Variants in ARRB1 observed in about 807,000 individuals in gnomAD.
ARRB1 encodes arrestin beta 1.
In ARRB1, 21 loss-of-function variants were observed where a neutral mutation model predicts 56.8. That is an observed-to-expected ratio of 0.37 (90% CI 0.26 to 0.53). ARRB1 has a LOEUF of 0.53. ARRB1 is among the 20% of genes least tolerant of loss of function. The pLI is 0.88. For missense variants in ARRB1, 424 were observed against 553.7 expected, an observed-to-expected ratio of 0.77 and a Z score of 2.35; for synonymous variants, 210 against 218.6, an observed-to-expected ratio of 0.96 and a Z score of 0.35.
chr11:75,275,323 T>C (rs908137620), intron 10 of ARRB1, among the ~76,000 whole-genome samples: 1 of 151,848 alleles, frequency 6.6e-6, no homozygotes, highest in African/African-American at 2.4e-5. Flanking sequence ...ATTTTTGTAT[T>C]TTTAGTAGAG....
At chr11:75,323,969 A>G (rs1447671424) in intron 1 of ARRB1, among the ~76,000 whole-genome samples, 2 of 151,548 alleles carry the variant, frequency 1.3e-5, no homozygotes, top group Admixed American at 1.3e-4. Flanking sequence ...GATACTGAAG[A>G]AAAAAAAACG....
intron 1 of ARRB1, among the ~76,000 whole-genome samples, chr11:75,340,233 T>C (rs771342946): frequency 1.3e-5 from 2 of 152,244 alleles, no homozygotes; most frequent in Non-Finnish European, 2.9e-5. Context: ...TTTCCTCTAA[T>C]GAGGCTTCCC....
chr11:75,272,627 C>T (rs1029510166), intron 12 of ARRB1, among the ~76,000 whole-genome samples: 4 of 151,796 alleles, frequency 2.6e-5, no homozygotes, highest in Non-Finnish European at 5.9e-5. Context: ...ATCCTCAGTG[C>T]GAGCCCAGAC....
chr11:75,280,359 C>A (rs1411030857), intron 7 of ARRB1, among the ~76,000 whole-genome samples: 2 of 152,238 alleles, frequency 1.3e-5, no homozygotes, highest in African/African-American at 4.8e-5. Context: ...CAGCCCACGC[C>A]CTAAAAAGGC....
At chr11:75,292,056 C>T (rs1946622634) in intron 1 of ARRB1, among the ~76,000 whole-genome samples, 1 of 152,234 alleles carries the variant, frequency 6.6e-6, no homozygotes, top group African/African-American at 2.4e-5. Flanking sequence ...TGAGTGTGAG[C>T]ATGGCTTACT....
chr11:75,330,407 C>T (rs1430501697), intron 1 of ARRB1, among the ~76,000 whole-genome samples: 1 of 152,018 alleles, frequency 6.6e-6, no homozygotes, highest in African/African-American at 2.4e-5. Context: ...TCTAATCTCT[C>T]TGTTCCAAAG....
intron 14 of ARRB1, 38 bp from the exon 15 acceptor site, chr11:75,267,741 A>G (rs1189596515): frequency 6.3e-7 from 1 of 1,590,942 alleles, no homozygotes; most frequent in Non-Finnish European, 8.6e-7. Context: ...TCCAGGGATT[A>G]GTGAGTGGAT....
At chr11:75,323,093 A>G (rs1028329028) in intron 1 of ARRB1, among the ~76,000 whole-genome samples, 2 of 152,210 alleles carry the variant, frequency 1.3e-5, no homozygotes, top group Non-Finnish European at 2.9e-5. Context: ...GGACAGATTC[A>G]GAGATAAAAT....
chr11:75,342,067 C>T (rs2134995227), intron 1 of ARRB1, among the ~76,000 whole-genome samples: 1 of 152,302 alleles, frequency 6.6e-6, no homozygotes, highest in East Asian at 1.9e-4. Context: ...GAAACTGAGG[C>T]CCAATGAGGA....
chr11:75,283,264 C>A, intron 5 of ARRB1, 23 bp downstream of exon 5: 2 of 1,571,332 alleles, frequency 1.3e-6, no homozygotes, highest in Non-Finnish European at 1.7e-6. Flanking sequence ...TGGAATGGGG[C>A]CCCAGGGATG....
intron 1 of ARRB1, among the ~76,000 whole-genome samples, chr11:75,296,632 C>T (rs943124448): frequency 1.3e-5 from 2 of 152,036 alleles, no homozygotes; most frequent in South Asian, 2.1e-4. Flanking sequence ...CTGATTACAC[C>T]AAAACAAGAT....
rs774551517 is a variant in ARRB1 at position 75,335,101 on chromosome 11, C to T, written c.20+16487G>A. On this transcript the variant is annotated intron_variant, in intron 1 of 15. Coordinates refer to ENST00000420843, the MANE Select transcript of ARRB1 (RefSeq NM_004041.5). ...TGCATCAGCCTCATGGTGAATCCGC[C>T]TCGGGGCTGGAGGAAGGGCCCAGAG... 5 of 187,786 alleles carry T rather than the reference C, an allele frequency of 2.7e-5. No homozygotes were observed. In the South Asian group the frequency reaches 4.5e-4, roughly 17 times the overall value. 11.6% of individuals were successfully genotyped at this position (187,786 alleles called of 1,614,324 possible).
chr11:75,335,488 G>A (rs1425333216), intron 1 of ARRB1, among the ~76,000 whole-genome samples: 1 of 152,104 alleles, frequency 6.6e-6, no homozygotes, highest in Non-Finnish European at 1.5e-5. Flanking sequence ...AGGAGGCTGA[G>A]GAGGAAAGAT....
intron 1 of ARRB1, among the ~76,000 whole-genome samples, chr11:75,343,966 C>A (rs770826845): frequency 6.6e-6 from 1 of 152,114 alleles, no homozygotes; most frequent in Non-Finnish European, 1.5e-5. Flanking sequence ...CAGGCGCCCG[C>A]CACCACGCCC....
At chr11:75,293,153 AC>A (rs1946648014) in intron 1 of ARRB1, among the ~76,000 whole-genome samples, 1 of 152,012 alleles carries the variant, frequency 6.6e-6, no homozygotes, top group Admixed American at 6.6e-5. Context: ...CACCAGGACC[AC>A]CTCCTTCAGG....
In ARRB1 at chr11:75,278,734, G is replaced by A. The variant is rs779500908; in HGVS notation, c.493C>T (p.Arg165Cys). ...TACTGAACCTTCCGGATGACCAGACGCACAGAATTCCTAATGGAGATGGGC... is the reference window on the plus strand; with the variant it reads ...TACTGAACCTTCCGGATGACCAGACACACAGAATTCCTAATGGAGATGGGC... ...EEKIHKRNSV[R>C]LVIRKVQYAP... The change falls in exon 8 of 16, where the codon CGT becomes TGT. Residue 165 changes from arginine (R) to cysteine (C), a missense_variant. Arg to Cys is a radical substitution (Grantham distance 180). Coordinates refer to ENST00000420843, the MANE Select transcript of ARRB1 (RefSeq NM_004041.5). 5.0e-6 allele frequency: 8 copies of A among 1,609,698 alleles called. No individual in the cohort carries two copies. The highest frequency in any genetic ancestry group is 2.2e-5 in the South Asian group (2 of 90,848).
In ARRB1 at chr11:75,287,307, G is replaced by A. The variant is rs374799281; in HGVS notation, c.112+8C>T. 6 of 1,552,424 alleles carry A rather than the reference G, an allele frequency of 3.9e-6. No individual in the cohort carries two copies. The Admixed American group carries it at 7.8e-5, about 20-fold the overall frequency. On this transcript the variant is annotated splice_region_variant and intron_variant, in intron 3 of 15. Coordinates refer to ENST00000420843, the MANE Select transcript of ARRB1 (RefSeq NM_004041.5). Reference sequence around the variant, plus strand: ...CCCCAGCCCTCCTCTCGCCCTCCAGGGACTCACCCACAGGGTCCACGAGGT... The same window carrying A: ...CCCCAGCCCTCCTCTCGCCCTCCAGAGACTCACCCACAGGGTCCACGAGGT...
At chr11:75,334,733 A>G (rs150360014) in intron 1 of ARRB1, among the ~76,000 whole-genome samples, 64 of 152,308 alleles carry the variant, frequency 4.2e-4, no homozygotes, top group Non-Finnish European at 7.1e-4. Flanking sequence ...AGCCTGCCCC[A>G]GAACTGGCTC....
intron 1 of ARRB1, among the ~76,000 whole-genome samples, chr11:75,347,841 G>A (rs1947795936): frequency 6.6e-6 from 1 of 152,134 alleles, no homozygotes. Context: ...CAATCGACCA[G>A]CAAGGTTGAT....
Sources: gnomAD v4.1 joint callset for allele counts (sites outside exome capture counted in the v4.1 genomes callset) on GRCh38, gnomAD v4.1.1 for gene constraint, MANE v1.5 for transcripts, NCBI Gene and HGNC (gene_info 2026-07-23, HGNC 2026-07-21) for gene names.